VPS13D: variants seen among roughly 807,000 people sequenced by gnomAD.
VPS13D encodes intermembrane lipid transfer protein VPS13D.
Under a neutral mutation model 461.9 loss-of-function variants are expected in VPS13D, and 187 were observed. That is an observed-to-expected ratio of 0.40 (90% CI 0.36 to 0.46). The LOEUF (loss-of-function observed/expected upper bound fraction) is 0.46, where lower values mean the gene tolerates loss of function less well. Among genes scored for constraint, VPS13D ranks in the 20% least tolerant of loss-of-function variants. The pLI is 0.60. For missense variants in VPS13D, 4,711 were observed against 5,364.9 expected, an observed-to-expected ratio of 0.88 and a Z score of 3.81; for synonymous variants, 1,951 against 1,986.3, an observed-to-expected ratio of 0.98 and a Z score of 0.47.
chr1:12,285,299 T>TATTTA (rs1204796418), intron 21 of VPS13D, among the ~76,000 whole-genome samples: 3 of 147,264 alleles, frequency 2.0e-5, no homozygotes, highest in African/African-American at 7.4e-5. Context: ...TTTATTTATT[T>TATTTA]TTTTTTTTTG....
At chr1:12,270,927 A>T (rs1641421514) in intron 16 of VPS13D, 67 bp from the exon 17 acceptor site, 3 of 1,577,020 alleles carry the variant, frequency 1.9e-6, no homozygotes, top group East Asian at 2.3e-5. Context: ...GTGAGAATTG[A>T]TGTAGCACTT....
At chr1:12,449,750 A>T (rs1351246940) in intron 65 of VPS13D, among the ~76,000 whole-genome samples, 1 of 152,208 alleles carries the variant, frequency 6.6e-6, no homozygotes, top group Non-Finnish European at 1.5e-5. Context: ...GTCCCATACT[A>T]CTTCTAAGAA....
rs570118156 is a variant in VPS13D at position 12,482,972 on chromosome 1, G to A, written c.12663-14528G>A. 2.0e-5 allele frequency among the ~76,000 whole-genome samples: 3 copies of A among 152,046 alleles called. No individual in the cohort carries two copies. In the South Asian group the frequency reaches 6.2e-4, roughly 32 times the overall value. ...CTACTTAACTAGTTCCCCATTGATGGATGTTTTTAATTTGTTGCTGTTGTA... is the reference window on the plus strand; with the variant it reads ...CTACTTAACTAGTTCCCCATTGATGAATGTTTTTAATTTGTTGCTGTTGTA... On this transcript the variant is annotated intron_variant, in intron 67 of 69. Transcript: ENST00000620676.
Position 12,327,821 on chromosome 1 carries a change from T to C in VPS13D, c.8164T>C (p.Cys2722Arg). 6.2e-7 allele frequency: 1 copy of C among 1,614,162 alleles called. No homozygotes were observed. Among genetic ancestry groups the C allele is most frequent in the Non-Finnish European group, 8.5e-7 (1 of 1,180,010 alleles). Residue 2722 changes from cysteine (C) to arginine (R), a missense_variant, in exon 36 of 70, where the codon TGT (cysteine) becomes CGT (arginine). Physicochemically the swap from Cys to Arg is radical, Grantham distance 180 (BLOSUM62 -3). This residue lies in a region of VPS13D where 4,411 missense variants were observed against 4,937.8 expected (regional missense o/e 0.89). Coordinates refer to ENST00000620676, the MANE Select transcript of VPS13D (RefSeq NM_015378.4). ...CICFIDDCMD[C>R]DVPLAELTFS... ...CTGTTTCATCGATGACTGCATGGAT[T>C]GTGATGTTCCTCTCGCTGAACTCAC...
chr1:12,445,660 A>G (rs967869288), intron 65 of VPS13D, among the ~76,000 whole-genome samples: 33 of 152,344 alleles, frequency 2.2e-4, no homozygotes, highest in African/African-American at 7.7e-4. Flanking sequence ...GGAAGTAGCT[A>G]AGCTGCAAGT....
At chr1:12,349,002 A>G (rs778210780) in intron 45 of VPS13D, 29 bp downstream of exon 45, 1 of 1,613,476 alleles carries the variant, frequency 6.2e-7, no homozygotes, top group Non-Finnish European at 8.5e-7. Context: ...GCATATAGTA[A>G]ATGCTGATAA....
chr1:12,442,683 C>G (rs182833083), intron 65 of VPS13D, among the ~76,000 whole-genome samples: 1 of 151,438 alleles, frequency 6.6e-6, no homozygotes, highest in Non-Finnish European at 1.5e-5. Context: ...GCAGCCTTTA[C>G]GTCTCCTGGG....
At position 12,276,384 on chromosome 1, in the gene VPS13D, G is replaced by T; in HGVS notation, c.2796G>T (p.Met932Ile). 1 of 1,614,188 alleles carries T rather than the reference G, an allele frequency of 6.2e-7. No homozygotes were observed. ...EQRGSLQDSV[M>I]NLTQSIVLLE... ...GGGGAAGTTTGCAAGACTCCGTAAT[G>T]AATTTAACCCAGAGCATTGTGTTGT... is the stretch of plus-strand genomic sequence containing the variant. The change falls in exon 19 of 70, where the codon ATG (methionine) becomes ATT (isoleucine). Residue 932 changes from methionine (M) to isoleucine (I), a missense_variant. Coordinates refer to ENST00000620676, the MANE Select transcript of VPS13D (RefSeq NM_015378.4). This position sits in a 1 kb window ranked among gnomAD's most constrained non-coding sequence, Gnocchi z 4.5.
chr1:12,244,023 G>A (rs980326236), intron 3 of VPS13D, among the ~76,000 whole-genome samples: 1 of 152,100 alleles, frequency 6.6e-6, no homozygotes, highest in Admixed American at 6.5e-5. Flanking sequence ...TAAAGTCTTC[G>A]CGAACTTTTT....
intron 13 of VPS13D, among the ~76,000 whole-genome samples, chr1:12,265,077 A>C (rs893257155): frequency 6.6e-6 from 1 of 152,146 alleles, no homozygotes; most frequent in African/African-American, 2.4e-5. Context: ...TGTTTACAGC[A>C]TGGTTTACAG....
At chr1:12,317,180 G>A (rs571851499) in intron 30 of VPS13D, among the ~76,000 whole-genome samples, 3 of 152,098 alleles carry the variant, frequency 2.0e-5, no homozygotes, top group South Asian at 2.1e-4. Context: ...GATCCTAGAC[G>A]TCAAAGAAGG....
intron 50 of VPS13D, among the ~76,000 whole-genome samples, chr1:12,361,623 C>G (rs2101613205): frequency 6.6e-6 from 1 of 151,438 alleles, no homozygotes; most frequent in Middle Eastern, 3.4e-3. Flanking sequence ...TCTCGATCTC[C>G]TGACCTCGTG....
chr1:12,240,710 AT>A (rs200750761), intron 2 of VPS13D, among the ~76,000 whole-genome samples: 11 of 143,540 alleles, frequency 7.7e-5, no homozygotes, highest in East Asian at 2.1e-4. Context: ...ATGTTTCATG[AT>A]TTTTTTTTCC....
chr1:12,309,808 T>TACAATACAA (rs1642682439), intron 27 of VPS13D, among the ~76,000 whole-genome samples: 2 of 151,820 alleles, frequency 1.3e-5, no homozygotes, highest in South Asian at 4.2e-4. Flanking sequence ...TTATTATTTG[T>TACAATACAA]ATAGAGCATG....
intron 63 of VPS13D, among the ~76,000 whole-genome samples, chr1:12,412,059 A>G (rs1644737267): frequency 6.6e-6 from 1 of 152,256 alleles, no homozygotes; most frequent in African/African-American, 2.4e-5. Context: ...TGCAAAGAAT[A>G]TGTGGTCATT....
At chr1:12,412,979 A>G (rs941451732) in intron 63 of VPS13D, among the ~76,000 whole-genome samples, 1 of 152,204 alleles carries the variant, frequency 6.6e-6, no homozygotes, top group Non-Finnish European at 1.5e-5. Context: ...ACTCACTACA[A>G]AAATGAGCAA....
At chr1:12,256,567 G>T in intron 8 of VPS13D, 64 bp downstream of exon 8, 1 of 1,556,784 alleles carries the variant, frequency 6.4e-7, no homozygotes, top group Admixed American at 1.8e-5. Flanking sequence ...TGAAAGTCTT[G>T]ATATTAACGT....
chr1:12,434,800 T>G (rs1257086459), intron 65 of VPS13D, among the ~76,000 whole-genome samples: 3 of 152,268 alleles, frequency 2.0e-5, no homozygotes, highest in African/African-American at 7.2e-5. Context: ...AATCTTGTAC[T>G]ACATGGTAAC....
chr1:12,356,332 C>T lies in VPS13D; in HGVS notation c.9872-66C>T, dbSNP rs559552095. The T allele has an allele frequency of 8.1e-5, 124 of 1,534,454 alleles. 2 individuals are homozygous for T. The African/African-American group carries it at 1.4e-3, about 17-fold the overall frequency. ...TTCCCGCTTGATGGTTTTATTCATT[C>T]ACCATTTGCATCTCTTTCAGATAGA... On this transcript the variant is annotated intron_variant, in intron 48 of 69. Transcript: ENST00000620676.
Sources: allele counts gnomAD v4.1 joint callset (sites outside exome capture counted in the v4.1 genomes callset), GRCh38; gene constraint gnomAD v4.1.1; regional missense constraint gnomAD v4.1.1; non-coding constraint Gnocchi (gnomAD v3.1); transcripts MANE v1.5; gene names NCBI Gene and HGNC (gene_info 2026-07-23, HGNC 2026-07-21).